The following FRA10AC1 variants were observed in gnomAD, a reference collection of about 807,000 sequenced individuals.
FRA10AC1 encodes the protein FRA10A associated CGG repeat 1, also known as protein FRA10AC1.
FRA10AC1 carries 43 observed loss-of-function variants against 56.5 expected under a neutral mutation model. The ratio of observed to expected loss-of-function variants is 0.76; its 90% CI spans 0.60 to 0.98. The LOEUF is 0.98. Ranked by LOEUF, FRA10AC1 falls within the 50% of genes least tolerant of loss-of-function variation. The pLI is 0.00. For missense variants in FRA10AC1, 346 were observed against 351.8 expected (o/e 0.98, Z 0.13); for synonymous variants, 112 against 110.5 (o/e 1.01, Z -0.09).
chr10:93,690,635 A>T (rs1170288134), intron 7 of FRA10AC1, among the ~76,000 whole-genome samples: 1 of 152,186 alleles, frequency 6.6e-6, no homozygotes, highest in African/African-American at 2.4e-5. Flanking sequence ...AAAAAAAACA[A>T]CAACTTAAGA....
intron 10 of FRA10AC1, among the ~76,000 whole-genome samples, chr10:93,682,420 C>T (rs925604883): frequency 6.6e-6 from 1 of 152,108 alleles, no homozygotes; most frequent in African/African-American, 2.4e-5. Context: ...AAATGAAGCT[C>T]AAAAGTCAAG....
At chr10:93,678,520 A>T (rs567956687) in intron 11 of FRA10AC1, among the ~76,000 whole-genome samples, 1 of 152,174 alleles carries the variant, frequency 6.6e-6, no homozygotes, top group Non-Finnish European at 1.5e-5. Context: ...TAAGACTGAG[A>T]AGGAACTTCA....
intron 8 of FRA10AC1, 30 bp downstream of exon 8, chr10:93,687,365 AGTTTATCCT>A (rs1263463166): frequency 1.5e-6 from 2 of 1,377,514 alleles, no homozygotes; most frequent in African/African-American, 3.0e-5. Context: ...TAACAAAATA[AGTTTATCCT>A]ATTAAAAAGT....
Position 93,679,271 on chromosome 10 carries a change from C to T in FRA10AC1, c.787+2209G>A, listed in dbSNP as rs114985087. The stretch of plus-strand genomic sequence containing the variant: ...AGTCCTTTACTGATTATTATTTATG[C>T]TGAACATGAGCTAGTGGGGTGCTGG... On this transcript the variant is annotated intron_variant, in intron 11 of 13. Transcript: ENST00000359204. Among the ~76,000 whole-genome samples, 361 of 152,314 alleles carry T rather than the reference C, an allele frequency of 2.4e-3. 3 individuals are homozygous for T. Among genetic ancestry groups the T allele is most frequent in the African/African-American group, 8.5e-3 (353 of 41,572 alleles).
chr10:93,684,601 C>T (rs550360098), intron 9 of FRA10AC1, among the ~76,000 whole-genome samples: 15 of 150,756 alleles, frequency 9.9e-5, no homozygotes, highest in South Asian at 2.1e-4. Flanking sequence ...GACATGCATA[C>T]GTAGCATGTG....
At chr10:93,697,475 A>G (rs944980847) in intron 4 of FRA10AC1, among the ~76,000 whole-genome samples, 4 of 152,186 alleles carry the variant, frequency 2.6e-5, no homozygotes, top group African/African-American at 7.2e-5. Context: ...AATACCCAAA[A>G]ATACTTCAGT....
In FRA10AC1 at chr10:93,691,429, A is replaced by G. The variant is rs1442929723; in HGVS notation, c.465+580T>C. 2.0e-5 allele frequency among the ~76,000 whole-genome samples: 3 copies of G among 152,152 alleles called. No individual in the cohort carries two copies. In the East Asian group the frequency reaches 5.8e-4, roughly 29 times the overall value. On this transcript the variant is annotated intron_variant, in intron 7 of 13. Transcript: ENST00000359204. ...TGGCCTCAAGCAATCTTCCTGCCTC[A>G]GCCTCCCAAAGTGCTGAGATTACAG...
At chr10:93,693,670 C>CATCATATATATAT (rs2059178708) in intron 5 of FRA10AC1, among the ~76,000 whole-genome samples, 1 of 70,330 alleles carries the variant, frequency 1.4e-5, no homozygotes, top group African/African-American at 3.2e-5. Flanking sequence ...TATATATATA[C>CATCATATATATAT]ACCATATATA....
At chr10:93,687,476 C>A in intron 7 of FRA10AC1, 27 bp from the exon 8 acceptor site, 1 of 1,464,076 alleles carries the variant, frequency 6.8e-7, no homozygotes, top group Admixed American at 2.3e-5. Context: ...TACATTTATG[C>A]CAATGTAAAT....
chr10:93,688,368 C>G (rs773465372), intron 7 of FRA10AC1, among the ~76,000 whole-genome samples: 1 of 152,078 alleles, frequency 6.6e-6, no homozygotes, highest in Non-Finnish European at 1.5e-5. Context: ...GTGGGATGAA[C>G]AGGTGGAGCA....
intron 10 of FRA10AC1, among the ~76,000 whole-genome samples, chr10:93,682,559 G>A (rs771145604): frequency 2.6e-5 from 4 of 152,154 alleles, no homozygotes; most frequent in Non-Finnish European, 4.4e-5. Context: ...CCAGCACCTT[G>A]GGCGGCTGAG....
intron 1 of FRA10AC1, among the ~76,000 whole-genome samples, chr10:93,701,979 T>G (rs1200698272): frequency 6.6e-6 from 1 of 152,138 alleles, no homozygotes; most frequent in Non-Finnish European, 1.5e-5. Context: ...AAGAGTTGCC[T>G]CATCTAAAGG....
At position 93,670,760 on chromosome 10, in the gene FRA10AC1, C is replaced by T. The variant is rs2058747341; in HGVS notation, c.905+10G>A. ...AAAGGTACATATTCTCTATTAATATCAGCACTTACTGTGATTTTTCATCTG... is the reference window on the plus strand; with the variant it reads ...AAAGGTACATATTCTCTATTAATATTAGCACTTACTGTGATTTTTCATCTG... On this transcript the variant is annotated intron_variant, in intron 13 of 13. Coordinates refer to ENST00000359204, the MANE Select transcript of FRA10AC1 (RefSeq NM_145246.5). The T allele has an allele frequency of 6.4e-7, 1 of 1,559,554 alleles. No individual in the cohort carries two copies. Among genetic ancestry groups the T allele is most frequent in the Non-Finnish European group, 8.8e-7 (1 of 1,131,250 alleles).
intron 11 of FRA10AC1, 67 bp downstream of exon 11, chr10:93,681,413 G>T: frequency 9.6e-7 from 1 of 1,036,966 alleles, no homozygotes; most frequent in Non-Finnish European, 1.4e-6. Context: ...TTAGATGAAT[G>T]AAATATGGCA....
chr10:93,669,635 G>A lies in FRA10AC1; in HGVS notation c.*191C>T, dbSNP rs1432927730. 2 of 566,384 alleles carry A rather than the reference G, an allele frequency of 3.5e-6. No individual in the cohort carries two copies. Among genetic ancestry groups the A allele is most frequent in the East Asian group, 6.2e-5 (2 of 32,504 alleles). The allele number at this position is 566,384 out of a possible 1,614,324, so 35.1% of individuals were successfully genotyped here. On this transcript the variant is annotated 3_prime_UTR_variant, in exon 14 of 14. Transcript: ENST00000359204. ...CAATTGAAAAGATATTTAAAGGACA[G>A]GAAAGTCTTTAATTGAACTAATGAA...
chr10:93,696,654 T>G (rs1240570762), intron 4 of FRA10AC1, among the ~76,000 whole-genome samples: 1 of 152,218 alleles, frequency 6.6e-6, no homozygotes, highest in Non-Finnish European at 1.5e-5. Flanking sequence ...TACATGCACA[T>G]GTATGTTTAT....
chr10:93,698,519 A>G, intron 2 of FRA10AC1, 123 bp from the exon 3 acceptor site: 1 of 544,286 alleles, frequency 1.8e-6, no homozygotes, highest in Non-Finnish European at 3.2e-6. Context: ...AGACTCACTG[A>G]TCTTTAATGA....
intron 4 of FRA10AC1, among the ~76,000 whole-genome samples, chr10:93,696,247 A>AATTGG (rs2059233101): frequency 3.9e-5 from 6 of 152,158 alleles, no homozygotes; most frequent in Admixed American, 3.3e-4. Context: ...TGTATCCTAG[A>AATTGG]ATTGGAGGTA....
chr10:93,674,148 T>C (rs2058808049), intron 12 of FRA10AC1: 1 of 152,186 alleles, frequency 6.6e-6, no homozygotes, highest in South Asian at 2.1e-4. Context: ...AATATATATA[T>C]TTTTAAAAAT....
Sources: allele counts gnomAD v4.1 joint callset (sites outside exome capture counted in the v4.1 genomes callset), GRCh38; gene constraint gnomAD v4.1.1; transcripts MANE v1.5; gene names NCBI Gene and HGNC (gene_info 2026-07-23, HGNC 2026-07-21).